The following TM9SF2 variants were observed in gnomAD, a reference collection of about 807,000 sequenced individuals.
TM9SF2 encodes transmembrane 9 superfamily member 2, also known as 76 kDa membrane protein.
Under a neutral mutation model 84.9 loss-of-function variants are expected in TM9SF2, and 13 were observed. The observed-to-expected ratio is 0.15, with a 90% CI of 0.10 to 0.24. The LOEUF (loss-of-function observed/expected upper bound fraction) is 0.24, where lower values mean the gene tolerates loss of function less well. Among genes scored for constraint, TM9SF2 ranks in the 10% least tolerant of loss-of-function variants. The pLI, the probability that TM9SF2 is intolerant of heterozygous loss-of-function variation, is 1.00. For synonymous variants in TM9SF2, 273 were observed against 285.8 expected (o/e 0.96, Z 0.45); for missense variants, 562 against 818.5 (o/e 0.69, Z 3.82).
chr13:99,504,882 A>G (rs1263560372), intron 1 of TM9SF2, among the ~76,000 whole-genome samples: 1 of 152,184 alleles, frequency 6.6e-6, no homozygotes, highest in Non-Finnish European at 1.5e-5. Context: ...GGTTTGCCTG[A>G]CCATTCTTAC....
intron 3 of TM9SF2, among the ~76,000 whole-genome samples, chr13:99,526,826 TG>T (rs34587513): frequency 0.48 from 73,514 of 151,764 alleles, 19,631 homozygotes; most frequent in East Asian, 0.68. Flanking sequence ...GCCAGTGACC[TG>T]GGGTTGGTAG....
chr13:99,522,748 C>G (rs1184318950), intron 3 of TM9SF2, among the ~76,000 whole-genome samples: 3 of 152,206 alleles, frequency 2.0e-5, no homozygotes, highest in African/African-American at 7.2e-5. Flanking sequence ...CAGCAAAATA[C>G]TCAAACCCAT....
intron 10 of TM9SF2, among the ~76,000 whole-genome samples, chr13:99,545,063 C>A (rs2046277233): frequency 6.6e-6 from 1 of 152,102 alleles, no homozygotes; most frequent in Admixed American, 6.5e-5. Context: ...ATGCCTGCTA[C>A]TGATAAATAG....
At chr13:99,559,027 G>T (rs2046334807) in intron 15 of TM9SF2, among the ~76,000 whole-genome samples, 1 of 152,216 alleles carries the variant, frequency 6.6e-6, no homozygotes, top group South Asian at 2.1e-4. Flanking sequence ...GTCGAGCCCT[G>T]TGAGTAAGTT....
chr13:99,534,869 G>T (rs2046226671), intron 4 of TM9SF2, among the ~76,000 whole-genome samples: 1 of 152,040 alleles, frequency 6.6e-6, no homozygotes, highest in Non-Finnish European at 1.5e-5. Context: ...ATATTCTTTG[G>T]CCAGGCGTGG....
intron 9 of TM9SF2, among the ~76,000 whole-genome samples, chr13:99,542,241 G>A (rs1047321831): frequency 4.6e-5 from 7 of 151,962 alleles, no homozygotes; most frequent in African/African-American, 1.2e-4. Flanking sequence ...CTGGTGCAGC[G>A]TGGGGTGTAG....
intron 3 of TM9SF2, among the ~76,000 whole-genome samples, chr13:99,524,629 C>T (rs557610878): frequency 6.6e-6 from 1 of 151,774 alleles, no homozygotes; most frequent in Admixed American, 6.6e-5. Flanking sequence ...TTGAAGAGAT[C>T]CCCAAGGGAG....
chr13:99,551,567 T>C (rs1432700703), intron 12 of TM9SF2, among the ~76,000 whole-genome samples: 1 of 152,194 alleles, frequency 6.6e-6, no homozygotes, highest in Non-Finnish European at 1.5e-5. Context: ...GGAAAGTGGT[T>C]GCGCTTAAAA....
In TM9SF2 at chr13:99,559,414, T is replaced by C; in HGVS notation, c.1804T>C (p.Tyr602His). The C allele has an allele frequency of 1.2e-6, 2 of 1,610,982 alleles. No homozygotes were observed. The highest frequency in any genetic ancestry group is 1.7e-6 in the Non-Finnish European group (2 of 1,178,810). ...SFLTSGFTAV[Y>H]FLIYAVHYFF... ...CCTTACGAGTGGCTTTACTGCAGTT[T>C]ATTTCTTAATCTATGCAGTACACTA... The change falls in exon 16 of 17, where the codon TAT (tyrosine) becomes CAT (histidine). Residue 602 changes from tyrosine (Y) to histidine (H), a missense_variant. Tyr to His is a moderately conservative substitution (Grantham distance 83, BLOSUM62 2). Around this residue, in one of 4 missense-constraint regions of TM9SF2, gnomAD observed 63 missense variants for 109.2 expected, o/e 0.58. Coordinates refer to ENST00000376387, the MANE Select transcript of TM9SF2 (RefSeq NM_004800.3).
At chr13:99,558,192 A>G (rs549733268) in intron 15 of TM9SF2, among the ~76,000 whole-genome samples, 9 of 152,350 alleles carry the variant, frequency 5.9e-5, no homozygotes, top group Admixed American at 2.6e-4. Flanking sequence ...TGCTGCCCTT[A>G]GGCCTGTACC....
chr13:99,559,259 G>C (rs1242151624), intron 15 of TM9SF2, 104 bp from the exon 16 acceptor site: 2 of 965,690 alleles, frequency 2.1e-6, no homozygotes, highest in African/African-American at 3.3e-5. Context: ...GCAGAAATTA[G>C]ATTGGGGGCT....
At chr13:99,506,663 C>T (rs1215263760) in intron 1 of TM9SF2, among the ~76,000 whole-genome samples, 1 of 152,202 alleles carries the variant, frequency 6.6e-6, no homozygotes, top group Non-Finnish European at 1.5e-5. Context: ...CCTGTGGCCC[C>T]TCACCAAAGT....
In TM9SF2 at chr13:99,539,222, GA is replaced by G. The variant is rs1164371541; in HGVS notation, c.717-213del. Among the ~76,000 whole-genome samples the G allele has an allele frequency of 3.1e-3, 417 of 134,840 alleles. 2 individuals are homozygous for G. Among genetic ancestry groups the G allele is most frequent in the African/African-American group, 9.3e-3 (339 of 36,564 alleles). 88.5% of individuals were successfully genotyped at this position (134,840 alleles called of 152,430 possible). A position where few individuals can be genotyped will look rare whatever the true frequency, so the allele number is the denominator to read the frequency against. ...AAGACCCTGTCCCAAAAAAAAAAAA[GA>G]AAAAAAAAAAGATTATTTAAATGCT... On this transcript the variant is annotated intron_variant, in intron 6 of 16. Transcript: ENST00000376387.
chr13:99,551,851 A>G (rs1056955448), intron 12 of TM9SF2, among the ~76,000 whole-genome samples: 21 of 152,250 alleles, frequency 1.4e-4, no homozygotes, highest in Admixed American at 1.2e-3. Flanking sequence ...AAAAGCCAGC[A>G]AACACCAGAC....
intron 4 of TM9SF2, among the ~76,000 whole-genome samples, chr13:99,532,690 G>A (rs2046216391): frequency 6.6e-6 from 1 of 152,172 alleles, no homozygotes; most frequent in South Asian, 2.1e-4. Context: ...AAAGTACTTA[G>A]AGATATTTTT....
chr13:99,546,911 AG>A (rs2046285135), intron 10 of TM9SF2, 73 bp from the exon 11 acceptor site: 2 of 1,588,706 alleles, frequency 1.3e-6, no homozygotes, highest in African/African-American at 2.7e-5. Flanking sequence ...GAAAAATGAG[AG>A]GGTTTCTCTA....
At chr13:99,540,660 C>A in intron 7 of TM9SF2, 54 bp from the exon 8 acceptor site, 2 of 1,437,372 alleles carry the variant, frequency 1.4e-6, no homozygotes, top group Non-Finnish European at 1.9e-6. Flanking sequence ...TTTTTTTGTT[C>A]TTAATGTGCT....
At chr13:99,556,060 G>A (rs2046323503) in intron 15 of TM9SF2, among the ~76,000 whole-genome samples, 1 of 151,984 alleles carries the variant, frequency 6.6e-6, no homozygotes, top group South Asian at 2.1e-4. Flanking sequence ...TCATTAAAAA[G>A]TTTCTATAAT....
At chr13:99,538,620 A>T (rs1453903276) in intron 6 of TM9SF2, among the ~76,000 whole-genome samples, 4 of 152,000 alleles carry the variant, frequency 2.6e-5, no homozygotes, top group African/African-American at 4.8e-5. Flanking sequence ...ACATAATGAG[A>T]CCCTGTCTCT....
Sources: gnomAD v4.1 joint callset for allele counts (sites outside exome capture counted in the v4.1 genomes callset) on GRCh38, gnomAD v4.1.1 for gene constraint, gnomAD v4.1.1 regional missense constraint, MANE v1.5 for transcripts, NCBI Gene and HGNC (gene_info 2026-07-23, HGNC 2026-07-21) for gene names.